Variants in SEL1L3 observed in about 807,000 individuals in gnomAD.
SEL1L3 encodes the protein protein sel-1 homolog 3.
SEL1L3 carries 76 observed loss-of-function variants against 142.8 expected under a neutral mutation model. That is an observed-to-expected ratio of 0.53 (90% CI 0.44 to 0.64). SEL1L3 has a LOEUF of 0.64. SEL1L3 is among the 30% of genes least tolerant of loss of function. SEL1L3 has a pLI of 0.00. For missense variants in SEL1L3, 1,262 were observed against 1,381.7 expected, an observed-to-expected ratio of 0.91 and a Z score of 1.37; for synonymous variants, 504 against 519.6, an observed-to-expected ratio of 0.97 and a Z score of 0.41.
rs1720063204 is a variant in SEL1L3 at position 25,782,369 on chromosome 4, T to C, written c.2330A>G (p.Lys777Arg). ...NGLGWYYHKFKKNYAKAAKYW... is the reference protein window; with the variant it reads ...NGLGWYYHKFRKNYAKAAKYW... Reference sequence around the variant, plus strand: ...CTTTGCTGCTTTGGCGTAATTTTTCTTGAATTTGTGGTAATACCATCCCAG... The same window carrying C: ...CTTTGCTGCTTTGGCGTAATTTTTCCTGAATTTGTGGTAATACCATCCCAG... Residue 777 changes from lysine (K) to arginine (R), a missense_variant, in exon 15 of 24, where the codon AAG becomes AGG. Physicochemically the swap from Lys to Arg is conservative, Grantham distance 26 (BLOSUM62 2). This residue lies in a region of SEL1L3 where 435 missense variants were observed against 559.2 expected (regional missense o/e 0.78). Coordinates refer to ENST00000399878, the MANE Select transcript of SEL1L3 (RefSeq NM_015187.5). 6.2e-6 allele frequency: 10 copies of C among 1,613,916 alleles called. No individual in the cohort carries two copies. The highest frequency in any genetic ancestry group is 8.5e-6 in the Non-Finnish European group (10 of 1,179,804).
the SEL1L3 span, among the ~76,000 whole-genome samples, chr4:25,725,115 C>T: frequency 6.6e-6 from 1 of 152,244 alleles, no homozygotes; most frequent in African/African-American, 2.4e-5. Flanking sequence ...GCTAGGATCC[C>T]TGCTTACAGA....
chr4:25,764,581 G>C (rs1718592828), intron 20 of SEL1L3, among the ~76,000 whole-genome samples: 1 of 152,164 alleles, frequency 6.6e-6, no homozygotes, highest in Non-Finnish European at 1.5e-5. Flanking sequence ...AAGCCCAACA[G>C]TACAAGCAAA....
intron 20 of SEL1L3, among the ~76,000 whole-genome samples, chr4:25,764,023 A>T (rs372855632): frequency 6.6e-6 from 1 of 152,256 alleles, no homozygotes; most frequent in African/African-American, 2.4e-5. Context: ...AGAGGATTCC[A>T]AGTAGCAAAT....
Position 25,822,094 on chromosome 4 carries a change from C to T in SEL1L3, c.1192G>A (p.Gly398Arg). ...REDFHYNDTA[G>R]YFIIGGSRYV... Reference sequence around the variant, plus strand: ...CTGCTCCCTCCAATAATGAAGTACCCAGCTGTGTCATTATAATGGAAATCC... The same window carrying T: ...CTGCTCCCTCCAATAATGAAGTACCTAGCTGTGTCATTATAATGGAAATCC... Residue 398 changes from glycine (G) to arginine (R), a missense_variant, in exon 7 of 24, where the codon GGG (glycine) becomes AGG (arginine). Transcript: ENST00000399878. The T allele has an allele frequency of 1.2e-6, 2 of 1,613,860 alleles. No individual in the cohort carries two copies. The highest frequency in any genetic ancestry group is 8.5e-7 in the Non-Finnish European group (1 of 1,179,802).
chr4:25,816,101 TTTATATA>T (rs982757208), intron 9 of SEL1L3, among the ~76,000 whole-genome samples: 159 of 146,952 alleles, frequency 1.1e-3, no homozygotes, highest in Non-Finnish European at 1.5e-3. Context: ...ATATTATATA[TTTATATA>T]TTATATATTA....
chr4:25,745,029 G>GT (rs1275173067), downstream of SEL1L3, among the ~76,000 whole-genome samples: 1 of 142,654 alleles, frequency 7.0e-6, no homozygotes, highest in East Asian at 1.9e-4. Context: ...TTGTTTGTTT[G>GT]TTTTTTAAGA....
Position 25,749,779 on chromosome 4 carries a change from C to A in SEL1L3, c.3260-1215G>T, listed in dbSNP as rs2109107009. Among the ~76,000 whole-genome samples the A allele has an allele frequency of 2.0e-5, 3 of 152,308 alleles. No homozygotes were observed. In the South Asian group the frequency reaches 6.2e-4, roughly 32 times the overall value. On this transcript the variant is annotated intron_variant, in intron 23 of 23. Transcript: ENST00000399878. ...TATCACGAACTGGCCCAAACTGCAG[C>A]CCATGGGCCAAACGTAGTCATTGCT...
chr4:25,762,350 T>C (rs1228591502), intron 20 of SEL1L3, among the ~76,000 whole-genome samples: 1 of 152,212 alleles, frequency 6.6e-6, no homozygotes, highest in Admixed American at 6.5e-5. Flanking sequence ...AAATATTCAT[T>C]GTAGCACTAG....
In SEL1L3 at chr4:25,815,805, C is replaced by A. The variant is rs74746007; in HGVS notation, c.1564+2333G>T. Among the ~76,000 whole-genome samples, 785 of 151,184 alleles carry A rather than the reference C, an allele frequency of 5.2e-3. 16 individuals carry two copies. The highest frequency in any genetic ancestry group is 0.05 in the East Asian group (255 of 5,130). On this transcript the variant is annotated intron_variant, in intron 9 of 23. Transcript: ENST00000399878. ...TGGTTCTCAGCTGGGGGTGATTTGG[C>A]CTCCCTGGGGACTTGGGAGCATTTG...
At chr4:25,736,476 G>A in the SEL1L3 span, among the ~76,000 whole-genome samples, 11 of 151,840 alleles carry the variant, frequency 7.2e-5, no homozygotes, top group African/African-American at 1.9e-4. Flanking sequence ...CACCCTCCTC[G>A]GCCTCCCAAA....
At position 25,809,030 on chromosome 4, in the gene SEL1L3, G is replaced by A. The variant is rs1231486381; in HGVS notation, c.1565-4278C>T. On this transcript the variant is annotated intron_variant, in intron 9 of 23. Coordinates refer to ENST00000399878, the MANE Select transcript of SEL1L3 (RefSeq NM_015187.5). ...AGAGCTTGCAGTGAGCCGAGATCGC[G>A]CCACTGCACTCCAGCCTGGGCGACA... Among the ~76,000 whole-genome samples, 22 of 139,154 alleles carry A rather than the reference G, an allele frequency of 1.6e-4. 1 individual carries two copies. Among genetic ancestry groups the A allele is most frequent in the East Asian group, 1.5e-3 (7 of 4,622 alleles). 91.3% of individuals were successfully genotyped at this position (139,154 alleles called of 152,430 possible).
chr4:25,758,361 C>T lies in SEL1L3; in HGVS notation c.3084-571G>A, dbSNP rs138533443. On this transcript the variant is annotated intron_variant, in intron 21 of 23. Transcript: ENST00000399878. Reference sequence around the variant, plus strand: ...CAGTGCACACCTGTAATCCCAGCTACTTAGGAGGCTGAGGCATGAGAATCA... The same window carrying T: ...CAGTGCACACCTGTAATCCCAGCTATTTAGGAGGCTGAGGCATGAGAATCA... Among the ~76,000 whole-genome samples, 853 of 152,240 alleles carry T rather than the reference C, an allele frequency of 5.6e-3. 14 individuals are homozygous for T. Among genetic ancestry groups the T allele is most frequent in the African/African-American group, 0.019 (805 of 41,546 alleles).
chr4:25,856,602 A>C (rs573413570), intron 1 of SEL1L3, among the ~76,000 whole-genome samples: 50 of 151,942 alleles, frequency 3.3e-4, no homozygotes, highest in African/African-American at 1.2e-3. Context: ...TTAAAAAAAA[A>C]AAAAAAAAAA....
At chr4:25,846,170 C>A (rs1015594323) in intron 2 of SEL1L3, among the ~76,000 whole-genome samples, 1 of 152,162 alleles carries the variant, frequency 6.6e-6, no homozygotes, top group Non-Finnish European at 1.5e-5. Flanking sequence ...CAGAGCAAGG[C>A]GCTCCTTGCA....
intron 3 of SEL1L3, among the ~76,000 whole-genome samples, chr4:25,834,593 G>A (rs1229052801): frequency 6.6e-6 from 1 of 152,156 alleles, no homozygotes; most frequent in Non-Finnish European, 1.5e-5. Context: ...GACCCACCCA[G>A]CTGAGCAAGC....
intron 11 of SEL1L3, among the ~76,000 whole-genome samples, chr4:25,797,044 T>C (rs1169818773): frequency 3.0e-5 from 4 of 133,824 alleles, no homozygotes; most frequent in African/African-American, 8.6e-5. Context: ...AGACAGGTAG[T>C]GGAGAGAGAA....
chr4:25,739,760 ATGTGTGTGTG>A, the SEL1L3 span, among the ~76,000 whole-genome samples: 1,134 of 146,512 alleles, frequency 7.7e-3, 14 homozygotes, highest in African/African-American at 0.026. Flanking sequence ...AGAAAAAATA[ATGTGTGTGTG>A]TGTGTGTGTG....
intron 2 of SEL1L3, among the ~76,000 whole-genome samples, chr4:25,843,091 C>T (rs754321123): frequency 3.3e-5 from 5 of 152,108 alleles, no homozygotes; most frequent in African/African-American, 4.8e-5. Flanking sequence ...GAGAAGCAAG[C>T]GGGCCCCTGT....
In SEL1L3 at chr4:25,795,354, C is replaced by T. The variant is rs1043507772; in HGVS notation, c.1957-4780G>A. Among the ~76,000 whole-genome samples the T allele has an allele frequency of 6.6e-5, 10 of 152,100 alleles. 1 individual carries two copies. Among genetic ancestry groups the T allele is most frequent in the Admixed American group, 4.6e-4 (7 of 15,272 alleles). On this transcript the variant is annotated intron_variant, in intron 11 of 23. Transcript: ENST00000399878. The stretch of plus-strand genomic sequence containing the variant: ...GTAAATGGCTAATTGCTGTTTAGAA[C>T]GTTAACCCTATTGGTATTTGCAGTT...
Sources: gnomAD v4.1 joint callset for allele counts (sites outside exome capture counted in the v4.1 genomes callset) on GRCh38, gnomAD v4.1.1 for gene constraint, gnomAD v4.1.1 regional missense constraint, MANE v1.5 for transcripts, NCBI Gene and HGNC (gene_info 2026-07-23, HGNC 2026-07-21) for gene names.